The following CLCN5 variants were observed in gnomAD, a reference collection of about 807,000 sequenced individuals.
CLCN5 encodes Cl-/H+ antiporter 5.
A neutral mutation model predicts 54.0 loss-of-function variants in CLCN5; 17 were observed. The ratio of observed to expected loss-of-function variants is 0.31; its 90% CI spans 0.22 to 0.47. The LOEUF is 0.47. Among genes scored for constraint, CLCN5 ranks in the 20% least tolerant of loss-of-function variants. The pLI is 1.00. For missense variants in CLCN5, 448 were observed against 646.7 expected (o/e 0.69, Z 3.33); for synonymous variants, 222 against 233.0 (o/e 0.95, Z 0.43).
chrX:50,017,635 C>T (rs377010900), intron 3 of CLCN5, among the ~76,000 whole-genome samples: 9 of 109,741 alleles, frequency 8.2e-5, no homozygotes, highest in African/African-American at 2.6e-4. Flanking sequence ...GGTCAGTCAT[C>T]TATTTTGAGT....
At chrX:49,998,336 A>G (rs1034241119) in intron 3 of CLCN5, among the ~76,000 whole-genome samples, 17 of 111,402 alleles carry the variant, frequency 1.5e-4, no homozygotes, top group African/African-American at 4.9e-4. Flanking sequence ...CTGCTCATAC[A>G]TGCACAGGAA....
At chrX:50,014,588 C>T in intron 3 of CLCN5, 1 of 348,614 alleles carries the variant, frequency 2.9e-6, no homozygotes, top group South Asian at 2.6e-5. Flanking sequence ...GGTGCCCAAG[C>T]CTTCTGCCCT....
At chrX:49,935,139 A>C (rs1925874273) in intron 3 of CLCN5, among the ~76,000 whole-genome samples, 1 of 111,780 alleles carries the variant, frequency 8.9e-6, no homozygotes, top group Non-Finnish European at 1.9e-5. Flanking sequence ...CTCTGTATTG[A>C]ATAATTGTAC....
At chrX:50,073,509 A>G (rs1933300299) in intron 6 of CLCN5, among the ~76,000 whole-genome samples, 1 of 112,033 alleles carries the variant, frequency 8.9e-6, no homozygotes, top group Non-Finnish European at 1.9e-5. Context: ...CAAAGTCCCT[A>G]TGTTAGAAGT....
chrX:50,009,111 A>T (rs1413239849), intron 3 of CLCN5: 1 of 289,296 alleles, frequency 3.5e-6, no homozygotes, highest in Admixed American at 4.1e-5. Context: ...GCGGTGCCAG[A>T]TCCTGCACTG....
intron 3 of CLCN5, among the ~76,000 whole-genome samples, chrX:49,959,392 G>A (rs1927487431): frequency 3.6e-5 from 4 of 112,014 alleles, no homozygotes; most frequent in East Asian, 2.8e-4. Flanking sequence ...TAAGTGCAAC[G>A]CACACCTTCC....
rs782129545 is a variant in CLCN5 at position 50,060,495 on chromosome X, C to G, written c.164-9384C>G. 4.9e-3 allele frequency among the ~76,000 whole-genome samples: 518 copies of G among 106,668 alleles called. 5 individuals carry two copies. The highest frequency in any genetic ancestry group is 0.017 in the African/African-American group (493 of 28,964). 92.6% of individuals were successfully genotyped at this position (106,668 alleles called of 115,157 possible). A position where few individuals can be genotyped will look rare whatever the true frequency, so the allele number is the denominator to read the frequency against. The stretch of plus-strand genomic sequence containing the variant: ...ACGAGACTATATCCCACACCTGGCT[C>G]GGAGGGTCCTACGCCCACGGAATCT... On this transcript the variant is annotated intron_variant, in intron 4 of 14. Coordinates refer to ENST00000376091, the MANE Select transcript of CLCN5 (RefSeq NM_001127898.4).
intron 3 of CLCN5, chrX:50,003,624 C>T: frequency 3.1e-6 from 1 of 320,832 alleles, no homozygotes; most frequent in Non-Finnish European, 6.5e-6. Context: ...TGTGTATATA[C>T]ACATACGCAC....
Position 50,086,315 on chromosome X carries a change from T to C in CLCN5, c.1015-13T>C, listed in dbSNP as rs1557193893. On this transcript the variant is annotated splice_polypyrimidine_tract_variant and intron_variant, in intron 10 of 14. Coordinates refer to ENST00000376091, the MANE Select transcript of CLCN5 (RefSeq NM_001127898.4). ...TATTGACTGAGTTTGCTTTCTCACCTTCTTTCTTCTAGGTCAGCTACTATT... is the reference window on the plus strand; with the variant it reads ...TATTGACTGAGTTTGCTTTCTCACCCTCTTTCTTCTAGGTCAGCTACTATT... The C allele has an allele frequency of 1.7e-6, 2 of 1,204,923 alleles. No homozygotes were observed. Among genetic ancestry groups the C allele is most frequent in the South Asian group, 3.6e-5 (2 of 56,199 alleles).
In CLCN5 at chrX:50,072,908, A is replaced by G. The variant is rs139211642; in HGVS notation, c.415+320A>G. On this transcript the variant is annotated intron_variant, in intron 6 of 14. Transcript: ENST00000376091. ...TTGGAGACAGTTTTTTTTTTAATAC[A>G]TACTGCATGGGTTTTAGGAGATAAG... Among the ~76,000 whole-genome samples the G allele has an allele frequency of 3.9e-3, 426 of 110,484 alleles. 2 individuals carry two copies. Among genetic ancestry groups the G allele is most frequent in the East Asian group, 0.021 (73 of 3,510 alleles).
At position 50,083,729 on chromosome X, in the gene CLCN5, T is replaced by G. The variant is rs1349455947; in HGVS notation, c.933+1882T>G. Among the ~76,000 whole-genome samples the G allele has an allele frequency of 3.6e-5, 4 of 112,011 alleles. No homozygotes were observed. In the Admixed American group the frequency reaches 3.8e-4, roughly 11 times the overall value. ...TAGAATCATAAAACAAATGCAGTAA[T>G]GGTAGCAATTACAGAAGCTACATGA... On this transcript the variant is annotated intron_variant, in intron 9 of 14. Transcript: ENST00000376091.
intron 4 of CLCN5, among the ~76,000 whole-genome samples, chrX:50,047,166 A>G (rs1932421702): frequency 8.9e-6 from 1 of 112,312 alleles, no homozygotes; most frequent in Non-Finnish European, 1.9e-5. Flanking sequence ...GAAACTGAAA[A>G]CAAAGTAAAA....
intron 9 of CLCN5, among the ~76,000 whole-genome samples, chrX:50,082,646 G>A (rs1163317105): frequency 9.0e-6 from 1 of 111,496 alleles, no homozygotes; most frequent in African/African-American, 3.3e-5. Context: ...TATCTATGGT[G>A]AGTGGGAGAG....
chrX:50,073,542 T>C (rs1352727320), intron 6 of CLCN5, among the ~76,000 whole-genome samples: 1 of 112,009 alleles, frequency 8.9e-6, no homozygotes, highest in African/African-American at 3.2e-5. Flanking sequence ...TTAAATGAGA[T>C]ATAGCACATA....
intron 9 of CLCN5, among the ~76,000 whole-genome samples, chrX:50,082,322 T>C (rs1933732323): frequency 9.1e-6 from 1 of 109,765 alleles, no homozygotes; most frequent in African/African-American, 3.3e-5. Flanking sequence ...TTTACTTTTT[T>C]TTTTTTTTGA....
At chrX:50,040,849 C>T (rs1932189469) in intron 3 of CLCN5, among the ~76,000 whole-genome samples, 1 of 111,817 alleles carries the variant, frequency 8.9e-6, no homozygotes, top group Middle Eastern at 4.6e-3. Flanking sequence ...GTCACTCACA[C>T]TTCGGTCAAG....
chrX:50,029,087 C>T (rs910318245), intron 3 of CLCN5, among the ~76,000 whole-genome samples: 3 of 111,831 alleles, frequency 2.7e-5, no homozygotes, highest in Admixed American at 9.5e-5. Context: ...TGAGTATTTC[C>T]TTATATTTGT....
intron 7 of CLCN5, 120 bp from the exon 8 acceptor site, chrX:50,080,474 A>T: frequency 1.6e-6 from 1 of 644,142 alleles, no homozygotes; most frequent in Non-Finnish European, 2.3e-6. Flanking sequence ...TGAACAATTT[A>T]ATCTCGGTGG....
chrX:49,986,501 G>A (rs782097491), intron 3 of CLCN5, among the ~76,000 whole-genome samples: 139 of 111,629 alleles, frequency 1.2e-3, no homozygotes, highest in Non-Finnish European at 2.1e-3. Flanking sequence ...AAAATAAATT[G>A]TTTTTTCCTT....
Sources: gnomAD v4.1 joint callset for allele counts (sites outside exome capture counted in the v4.1 genomes callset) on GRCh38, gnomAD v4.1.1 for gene constraint, MANE v1.5 for transcripts, NCBI Gene and HGNC (gene_info 2026-07-23, HGNC 2026-07-21) for gene names.